Variants in ARPP21 observed in about 807,000 individuals in gnomAD.
ARPP21 encodes the protein cAMP-regulated phosphoprotein 21.
In ARPP21, 69 loss-of-function variants were observed where a neutral mutation model predicts 113.2. The observed-to-expected ratio is 0.61, with a 90% confidence interval of 0.50 to 0.74. The LOEUF is 0.74. Ranked by LOEUF, ARPP21 falls within the 30% of genes least tolerant of loss-of-function variation. ARPP21 has a pLI of 0.00. For synonymous variants in ARPP21, 368 were observed against 375.5 expected (o/e 0.98, Z 0.23); for missense variants, 1,070 against 1,037.4 (o/e 1.03, Z -0.43).
At chr3:35,684,093 G>A (rs2079815757) in intron 5 of ARPP21, 2 of 1,553,742 alleles carry the variant, frequency 1.3e-6, no homozygotes, top group South Asian at 1.2e-5. Context: ...AGTAGGCACA[G>A]TAGTGCTGAA....
At chr3:35,685,001 C>T (rs1269896914) in intron 5 of ARPP21, 3 of 983,584 alleles carry the variant, frequency 3.1e-6, no homozygotes, top group African/African-American at 3.5e-5. Context: ...GTGAATATCA[C>T]GGCTTATATT....
rs144746735 is a variant in ARPP21, at chr3:35,711,502, T to C, written c.897+2432T>C. Among the ~76,000 whole-genome samples the C allele has an allele frequency of 2.6e-4, 40 of 152,352 alleles. No individual in the cohort carries two copies. In the Middle Eastern group the frequency reaches 0.01, roughly 39 times the overall value. On this transcript the variant is annotated intron_variant, in intron 11 of 20. Coordinates refer to ENST00000684406, the MANE Select transcript of ARPP21 (RefSeq NM_001385562.1). ...GTATTTTCTATGTGTTAGCTATTTG[T>C]TGCCTTATAACAAAAAATTCCAAAA...
intron 1 of ARPP21, chr3:35,640,937 T>C (rs1407197442): frequency 6.6e-6 from 1 of 152,190 alleles, no homozygotes; most frequent in Non-Finnish European, 1.5e-5. Flanking sequence ...TTTAGAAAGT[T>C]TCTTAGGAAT....
intron 1 of ARPP21, among the ~76,000 whole-genome samples, chr3:35,656,373 G>T (rs974321095): frequency 3.3e-5 from 5 of 152,070 alleles, no homozygotes; most frequent in African/African-American, 1.2e-4. Flanking sequence ...TGAAGACAAA[G>T]ATTTATAACA....
intron 20 of ARPP21, 30 bp downstream of exon 20, chr3:35,792,560 G>T (rs754287950): frequency 8.7e-6 from 14 of 1,612,828 alleles, no homozygotes; most frequent in Non-Finnish European, 2.5e-6. Context: ...AAAATTGTGG[G>T]TTTTAAAGTA....
At chr3:35,737,116 G>A in intron 15 of ARPP21, 62 bp from the exon 16 acceptor site, 1 of 982,512 alleles carries the variant, frequency 1.0e-6, no homozygotes, top group South Asian at 1.5e-5. Flanking sequence ...TAACAGAGTG[G>A]TTCTTCATGT....
intron 1 of ARPP21, among the ~76,000 whole-genome samples, chr3:35,677,685 C>G (rs936738692): frequency 6.6e-6 from 1 of 151,892 alleles, no homozygotes; most frequent in Non-Finnish European, 1.5e-5. Context: ...ATCCTTCAAA[C>G]TGTAACAGTT....
upstream of ARPP21, among the ~76,000 whole-genome samples, chr3:35,639,351 G>A (rs1697445370): frequency 6.6e-6 from 1 of 152,082 alleles, no homozygotes; most frequent in East Asian, 1.9e-4. This position sits in a 1 kb window ranked among gnomAD's most constrained non-coding sequence, Gnocchi z 5.0. Flanking sequence ...TCCCGGGTGT[G>A]GCGGGTCTGG....
intron 19 of ARPP21, among the ~76,000 whole-genome samples, chr3:35,781,258 A>G (rs1048126232): frequency 6.6e-6 from 1 of 152,180 alleles, no homozygotes; most frequent in Non-Finnish European, 1.5e-5. Context: ...GATGAAATGC[A>G]AGTATTGCCT....
At chr3:35,777,882 G>T (rs2096418332) in intron 19 of ARPP21, among the ~76,000 whole-genome samples, 1 of 152,074 alleles carries the variant, frequency 6.6e-6, no homozygotes, top group African/African-American at 2.4e-5. Context: ...TACTTCCTAA[G>T]TTATTATCAA....
chr3:35,644,721 A>G (rs1196815506), intron 1 of ARPP21, among the ~76,000 whole-genome samples: 1 of 151,964 alleles, frequency 6.6e-6, no homozygotes, highest in African/African-American at 2.4e-5. Context: ...ATTGCTCTCT[A>G]CTTTCAGACT....
At chr3:35,729,603 T>G (rs962248004) in intron 15 of ARPP21, 67 bp downstream of exon 15, 18 of 1,370,666 alleles carry the variant, frequency 1.3e-5, no homozygotes, top group Non-Finnish European at 1.9e-5. Flanking sequence ...TTTGATCTTA[T>G]GAATTTGCTA....
At chr3:35,697,349 C>T (rs2084458909) in intron 9 of ARPP21, among the ~76,000 whole-genome samples, 1 of 151,566 alleles carries the variant, frequency 6.6e-6, no homozygotes, top group Non-Finnish European at 1.5e-5. Flanking sequence ...ACCTTAAGTG[C>T]CCAAGGACAT....
intron 11 of ARPP21, among the ~76,000 whole-genome samples, chr3:35,712,514 CTGTGTGTGTGTGTGTGTGTGTG>C (rs10579469): frequency 3.8e-5 from 5 of 132,844 alleles, no homozygotes. Context: ...TCTAAGGTGT[CTGTGTGTGTGTGTGTGTGTGTG>C]TGTGTGTGTG....
intron 18 of ARPP21, 29 bp downstream of exon 18, chr3:35,739,606 T>C (rs1203175443): frequency 1.3e-6 from 2 of 1,577,664 alleles, no homozygotes; most frequent in East Asian, 2.3e-5. Flanking sequence ...GCCTGTGACC[T>C]ACAGCTGATT....
intron 9 of ARPP21, among the ~76,000 whole-genome samples, chr3:35,701,123 T>C (rs1196366882): frequency 6.6e-6 from 1 of 151,272 alleles, no homozygotes; most frequent in African/African-American, 2.4e-5. Flanking sequence ...GAATCCTCAA[T>C]TTTAGGCTAA....
intron 19 of ARPP21, among the ~76,000 whole-genome samples, chr3:35,789,920 A>G (rs2151890123): frequency 6.6e-6 from 1 of 152,292 alleles, no homozygotes; most frequent in Middle Eastern, 3.4e-3. Context: ...TGAATCTCTT[A>G]TAGGCCACCT....
intron 1 of ARPP21, among the ~76,000 whole-genome samples, chr3:35,654,191 T>G (rs1360496747): frequency 2.0e-5 from 3 of 152,072 alleles, no homozygotes; most frequent in Non-Finnish European, 4.4e-5. Context: ...GAAAAATGGT[T>G]TTAAAGATGC....
intron 1 of ARPP21, among the ~76,000 whole-genome samples, chr3:35,651,490 T>C (rs1293488739): frequency 6.6e-6 from 1 of 152,100 alleles, no homozygotes; most frequent in East Asian, 1.9e-4. Flanking sequence ...CTTTGTTCTT[T>C]AGCGCTGAAA....
Sources: gnomAD v4.1 joint callset for allele counts (sites outside exome capture counted in the v4.1 genomes callset) on GRCh38, gnomAD v4.1.1 for gene constraint, Gnocchi (gnomAD v3.1) non-coding constraint, MANE v1.5 for transcripts, NCBI Gene and HGNC (gene_info 2026-07-23, HGNC 2026-07-21) for gene names.